Variants in NELL1 observed in about 807,000 individuals in gnomAD.
NELL1 encodes neural EGFL like 1, also known as protein kinase C-binding protein NELL1.
In NELL1, 76 loss-of-function variants were observed where a neutral mutation model predicts 107.4. That is an observed-to-expected ratio of 0.71 (90% CI 0.59 to 0.86). NELL1 has a LOEUF of 0.86. Among genes scored for constraint, NELL1 ranks in the 40% least tolerant of loss-of-function variants. The probability of loss-of-function intolerance (pLI) is 0.00; values close to 1 mark genes in which losing one functional copy is unlikely to be tolerated. For missense variants in NELL1, 1,024 were observed against 1,005.5 expected (o/e 1.02, Z -0.25); for synonymous variants, 353 against 341.2 (o/e 1.03, Z -0.38).
intron 12 of NELL1, among the ~76,000 whole-genome samples, chr11:21,105,348 A>G (rs1336702858): frequency 6.6e-6 from 1 of 152,178 alleles, no homozygotes; most frequent in African/African-American, 2.4e-5. Context: ...TTGATGAGAC[A>G]GTGTCTGATT....
At chr11:21,281,675 C>G (rs948252945) in intron 14 of NELL1, among the ~76,000 whole-genome samples, 3 of 152,078 alleles carry the variant, frequency 2.0e-5, no homozygotes, top group African/African-American at 7.2e-5. Flanking sequence ...ACTTGTGTCA[C>G]TCCACCCCCA....
At chr11:20,704,819 G>A (rs1225613704) in intron 2 of NELL1, among the ~76,000 whole-genome samples, 4 of 152,106 alleles carry the variant, frequency 2.6e-5, no homozygotes, top group Non-Finnish European at 5.9e-5. Flanking sequence ...AGAATGTCAA[G>A]ATACAAAATC....
intron 14 of NELL1, among the ~76,000 whole-genome samples, chr11:21,367,863 T>A (rs1391819333): frequency 6.6e-6 from 1 of 152,088 alleles, no homozygotes; most frequent in Non-Finnish European, 1.5e-5. Context: ...GGAAAGGCAA[T>A]GTAGCGGTGA....
At chr11:21,017,198 G>T (rs1852585408) in intron 12 of NELL1, among the ~76,000 whole-genome samples, 2 of 152,118 alleles carry the variant, frequency 1.3e-5, no homozygotes, top group African/African-American at 2.4e-5. Context: ...GGCAGGAAAG[G>T]AGGAGCCACC....
In NELL1 at chr11:20,860,584, G is replaced by A. The variant is rs1474363149; in HGVS notation, c.506+12831G>A. 2.6e-5 allele frequency among the ~76,000 whole-genome samples: 4 copies of A among 152,334 alleles called. No individual in the cohort carries two copies. The East Asian group carries it at 7.7e-4, about 29-fold the overall frequency. ...GAGGGCCTGCATGTGGATGTGTGCT[G>A]TAACTTTCAGTGTGCTTTATGAATA... On this transcript the variant is annotated intron_variant, in intron 4 of 19. Transcript: ENST00000357134.
Position 20,919,312 on chromosome 11 carries a change from T to G in NELL1, c.737T>G (p.Leu246Arg). ...CAAGGAATAATGGATTTACAAGAGC[T>G]TTTGGCCAAGATGACTGCAAAAGTA... The part of the protein sequence containing the change: ...LVQGIMDLQE[L>R]LAKMTAKLNY... Residue 246 changes from leucine (L) to arginine (R), a missense_variant, in exon 7 of 20, where the codon CTT becomes CGT. Coordinates refer to ENST00000357134, the MANE Select transcript of NELL1 (RefSeq NM_006157.5). The G allele has an allele frequency of 6.2e-7, 1 of 1,604,764 alleles. No individual in the cohort carries two copies. The highest frequency in any genetic ancestry group is 8.5e-7 in the Non-Finnish European group (1 of 1,174,002).
chr11:21,411,690 A>G (rs1374913318), intron 15 of NELL1, among the ~76,000 whole-genome samples: 1 of 152,062 alleles, frequency 6.6e-6, no homozygotes, highest in Non-Finnish European at 1.5e-5. Context: ...GCATATCTAC[A>G]ATGGACAAAT....
At chr11:21,197,661 G>A (rs774138491) in intron 13 of NELL1, among the ~76,000 whole-genome samples, 5 of 152,134 alleles carry the variant, frequency 3.3e-5, no homozygotes, top group Non-Finnish European at 7.3e-5. Flanking sequence ...TCTATATTAA[G>A]TGATAACTGA....
intron 14 of NELL1, among the ~76,000 whole-genome samples, chr11:21,330,275 T>C (rs1850241773): frequency 6.6e-6 from 1 of 152,128 alleles, no homozygotes; most frequent in Non-Finnish European, 1.5e-5. Flanking sequence ...AAAATATGCA[T>C]TTATACTGTC....
chr11:21,163,288 T>G (rs1856412405), intron 13 of NELL1, among the ~76,000 whole-genome samples: 1 of 152,214 alleles, frequency 6.6e-6, no homozygotes, highest in East Asian at 1.9e-4. Context: ...CTTCAGAATT[T>G]AGTTTAAAAC....
In NELL1 at chr11:20,727,686, A is replaced by G. The variant is rs184555645; in HGVS notation, c.184+49626A>G. ...AGCCCTTGCCCATGCCTATGTCCTG[A>G]ATGGTATTGCCTAGGTTTTCTTCTA... On this transcript the variant is annotated intron_variant, in intron 2 of 19. Transcript: ENST00000357134. Among the ~76,000 whole-genome samples, 1,173 of 152,204 alleles carry G rather than the reference A, an allele frequency of 7.7e-3. 14 individuals carry two copies. The highest frequency in any genetic ancestry group is 0.027 in the African/African-American group (1,119 of 41,520).
At chr11:21,170,158 G>T in intron 13 of NELL1, 1 of 651,360 alleles carries the variant, frequency 1.5e-6, no homozygotes, top group Admixed American at 2.4e-5. Flanking sequence ...ATACATGACT[G>T]GGATGTGATC....
intron 13 of NELL1, among the ~76,000 whole-genome samples, chr11:21,213,874 T>C (rs1857557524): frequency 1.3e-5 from 2 of 152,076 alleles, no homozygotes; most frequent in African/African-American, 4.8e-5. Flanking sequence ...AATATAAAAC[T>C]ATTGGAAAAA....
intron 2 of NELL1, among the ~76,000 whole-genome samples, chr11:20,727,719 T>G (rs920336060): frequency 6.6e-6 from 1 of 152,346 alleles, no homozygotes; most frequent in Non-Finnish European, 1.5e-5. Context: ...CTAGGGTTTT[T>G]ATGGTTTTAG....
chr11:21,011,080 C>G (rs1278579187), intron 12 of NELL1, among the ~76,000 whole-genome samples: 2 of 152,082 alleles, frequency 1.3e-5, no homozygotes, highest in African/African-American at 4.8e-5. Flanking sequence ...TTTATTTCCC[C>G]AGATGGTTAA....
chr11:21,296,735 T>C (rs566281246), intron 14 of NELL1, among the ~76,000 whole-genome samples: 7 of 151,956 alleles, frequency 4.6e-5, no homozygotes, highest in Non-Finnish European at 8.8e-5. Flanking sequence ...GGAATGGTGA[T>C]GAATTTGGAA....
chr11:20,953,140 C>G (rs1445415454), intron 11 of NELL1, among the ~76,000 whole-genome samples: 1 of 152,206 alleles, frequency 6.6e-6, no homozygotes. Context: ...GCTGCCCTCA[C>G]TATACCATTG....
chr11:21,274,873 C>T (rs887524386), intron 14 of NELL1, among the ~76,000 whole-genome samples: 1 of 152,086 alleles, frequency 6.6e-6, no homozygotes, highest in African/African-American at 2.4e-5. Context: ...CACAACATAC[C>T]AGAATCTCTG....
chr11:21,409,440 G>A (rs988028914), intron 15 of NELL1, among the ~76,000 whole-genome samples: 10 of 151,954 alleles, frequency 6.6e-5, no homozygotes, highest in Non-Finnish European at 1.2e-4. Flanking sequence ...GTGGGGTTGG[G>A]GGAGCGGGGA....
Sources: allele counts gnomAD v4.1 joint callset (sites outside exome capture counted in the v4.1 genomes callset), GRCh38; gene constraint gnomAD v4.1.1; transcripts MANE v1.5; gene names NCBI Gene and HGNC (gene_info 2026-07-23, HGNC 2026-07-21).